Variants in TRAF6 observed in about 807,000 individuals in gnomAD.
The protein encoded by TRAF6 is TNF receptor associated factor 6, also known as TNF receptor-associated factor 6.
Under a neutral mutation model 48.4 loss-of-function variants are expected in TRAF6, and 10 were observed. That is an observed-to-expected ratio of 0.21 (90% CI 0.13 to 0.35). TRAF6 has a LOEUF of 0.35. Among genes scored for constraint, TRAF6 ranks in the 10% least tolerant of loss-of-function variants. The pLI, the probability that TRAF6 is intolerant of heterozygous loss-of-function variation, is 1.00. For missense variants in TRAF6, 397 were observed against 661.0 expected (o/e 0.60, Z 4.38); for synonymous variants, 186 against 219.6 (o/e 0.85, Z 1.35).
intron 1 of TRAF6, among the ~76,000 whole-genome samples, chr11:36,507,193 A>G (rs1859800504): frequency 1.5e-5 from 1 of 66,866 alleles, no homozygotes; most frequent in Non-Finnish European, 2.8e-5. Context: ...ATATGTATAT[A>G]TACATGTATT....
chr11:36,484,868 CA>C lies in TRAF6; in HGVS notation c.*4969del, dbSNP rs1163739202. The stretch of plus-strand genomic sequence containing the variant: ...CAAGGACCTTCAAATAAATCCATTA[CA>C]AAAAATACCCCTTCAGGCAAAATAA... On this transcript the variant is annotated 3_prime_UTR_variant, in exon 7 of 7. Coordinates refer to ENST00000526995, the MANE Select transcript of TRAF6 (RefSeq NM_004620.4). Among the ~76,000 whole-genome samples the C allele has an allele frequency of 6.6e-6, 1 of 152,126 alleles. No homozygotes were observed. Among genetic ancestry groups the C allele is most frequent in the Non-Finnish European group, 1.5e-5 (1 of 68,012 alleles).
chr11:36,488,847 C>T lies in TRAF6; in HGVS notation c.*991G>A, dbSNP rs1000599172. 7.9e-5 allele frequency: 12 copies of T among 152,126 alleles called. No individual in the cohort carries two copies. Among genetic ancestry groups the T allele is most frequent in the African/African-American group, 2.9e-4 (12 of 41,428 alleles). The allele number at this position is 152,126 out of a possible 1,614,324, so 9.4% of individuals were successfully genotyped here. A position where few individuals can be genotyped will look rare whatever the true frequency, so the allele number is the denominator to read the frequency against. ...GGAAATCAATTTTGTTCTTTTTAAT[C>T]GAAATAAACCAGAGGGTATTCAAAA... On this transcript the variant is annotated 3_prime_UTR_variant, in exon 7 of 7. Transcript: ENST00000526995.
rs763790387 is a variant in TRAF6, at chr11:36,497,260, G to C, written c.454C>G (p.Gln152Glu). 1 of 1,564,888 alleles carries C rather than the reference G, an allele frequency of 6.4e-7. No homozygotes were observed. The change falls in exon 4 of 7, where the codon CAA (glutamine) becomes GAA (glutamate). Residue 152 changes from glutamine to glutamate, a missense_variant. Transcript: ENST00000526995. ...ATAAGAGCAAACTCACAATGTGCTTGATGATCCTATAATTAAAAAAATAAT... is the reference window on the plus strand; with the variant it reads ...ATAAGAGCAAACTCACAATGTGCTTCATGATCCTATAATTAAAAAAATAAT... The part of the protein sequence containing the change: ...KMELRHLEDH[Q>E]AHCEFALMDC...
intron 2 of TRAF6, 98 bp downstream of exon 2, chr11:36,501,122 T>C: frequency 8.6e-7 from 1 of 1,168,558 alleles, no homozygotes; most frequent in Non-Finnish European, 1.2e-6. Flanking sequence ...TAGCTTTTTA[T>C]GTGTAAGACT....
chr11:36,493,843 T>G (rs1859594341), intron 5 of TRAF6, among the ~76,000 whole-genome samples: 1 of 152,196 alleles, frequency 6.6e-6, no homozygotes, highest in Non-Finnish European at 1.5e-5. Context: ...TTGGAAAAAT[T>G]AAGAGACTGT....
chr11:36,509,905 G>C (rs1859882409), intron 1 of TRAF6, 143 bp downstream of exon 1: 1 of 151,274 alleles, frequency 6.6e-6, no homozygotes, highest in African/African-American at 2.4e-5. Context: ...AAGGGACAGG[G>C]GAGGCGTCCC....
Position 36,490,441 on chromosome 11 carries a change from A to G in TRAF6, c.966T>C (p.Thr322=), listed in dbSNP as rs772654643. 2.5e-6 allele frequency: 4 copies of G among 1,613,638 alleles called. No homozygotes were observed. In the African/African-American group the frequency reaches 4.0e-5, roughly 16 times the overall value. Residue 322 remains threonine, a synonymous_variant, in exon 7 of 7, where the codon ACT becomes ACC. Coordinates refer to ENST00000526995, the MANE Select transcript of TRAF6 (RefSeq NM_004620.4). This position sits in a 1 kb window ranked among gnomAD's most constrained non-coding sequence, Gnocchi z 6.4. The part of the protein sequence containing the change: ...QIRELTAKME[T]QSMYVSELKR... ...TGAGCTCACTTACATACATACTCTGAGTTTCCATTTTAGCAGTCAGCTCCC... is the reference window on the plus strand; with the variant it reads ...TGAGCTCACTTACATACATACTCTGGGTTTCCATTTTAGCAGTCAGCTCCC...
chr11:36,490,402 T>C lies in TRAF6; in HGVS notation c.1005A>G (p.Arg335=). The C allele has an allele frequency of 6.2e-7, 1 of 1,614,150 alleles. No homozygotes were observed. The highest frequency in any genetic ancestry group is 8.5e-7 in the Non-Finnish European group (1 of 1,180,038). Reference sequence around the variant, plus strand: ...TTTCAGCAACTTTGTCCTCAAGGGTTCGAATGGTTCGTTTGAGCTCACTTA... The same window carrying C: ...TTTCAGCAACTTTGTCCTCAAGGGTCCGAATGGTTCGTTTGAGCTCACTTA... ...MYVSELKRTI[R]TLEDKVAEIE... Residue 335 remains arginine (R), a synonymous_variant, in exon 7 of 7, where the codon CGA becomes CGG. Coordinates refer to ENST00000526995, the MANE Select transcript of TRAF6 (RefSeq NM_004620.4). This position sits in a 1 kb window ranked among gnomAD's most constrained non-coding sequence, Gnocchi z 6.4.
In TRAF6 at chr11:36,502,713, C is replaced by T. The variant is rs147640770; in HGVS notation, c.-22-1176G>A. ...AATGAGGTACTATTCTGGCTGGAAA[C>T]GCAGTGCTAATAAGTGGTGATGAGC... On this transcript the variant is annotated intron_variant, in intron 1 of 6. Transcript: ENST00000526995. Among the ~76,000 whole-genome samples the T allele has an allele frequency of 1.2e-4, 18 of 152,206 alleles. No individual in the cohort carries two copies. The East Asian group carries it at 1.5e-3, about 13-fold the overall frequency.
Position 36,501,460 on chromosome 11 carries a change from C to T in TRAF6, c.56G>A (p.Cys19Tyr). Residue 19 changes from cysteine to tyrosine, a missense_variant, in exon 2 of 7, where the codon TGC becomes TAC. Physicochemically the swap from Cys to Tyr is radical, Grantham distance 194. Coordinates refer to ENST00000526995, the MANE Select transcript of TRAF6 (RefSeq NM_004620.4). Reference protein sequence around the residue: ...SCGSSQSESDCCVAMASSCSA... With the variant: ...SCGSSQSESDYCVAMASSCSA... ...ACAGGAGCTGGCCATGGCCACACAG[C>T]AGTCACTTTCAGACTGGCTGGATCC... 6.2e-7 allele frequency: 1 copy of T among 1,614,036 alleles called. No individual in the cohort carries two copies.
chr11:36,509,004 TCCTTCCTAGAGTCACAAAAGAGG>T (rs1449173426), intron 1 of TRAF6, among the ~76,000 whole-genome samples: 1 of 152,204 alleles, frequency 6.6e-6, no homozygotes, highest in Non-Finnish European at 1.5e-5. Flanking sequence ...CATGCCGGAC[TCCTTCCTAGAGTCACAAAAGAGG>T]CCACATTGTT....
At chr11:36,503,483 A>G (rs373881548) in intron 1 of TRAF6, among the ~76,000 whole-genome samples, 10 of 152,214 alleles carry the variant, frequency 6.6e-5, no homozygotes, top group African/African-American at 2.2e-4. Context: ...GGGTTTTGCC[A>G]TGTTGGCCAG....
chr11:36,507,822 T>C (rs1431196249), intron 1 of TRAF6, among the ~76,000 whole-genome samples: 1 of 145,810 alleles, frequency 6.9e-6, no homozygotes, highest in Non-Finnish European at 1.5e-5. Context: ...CATATATACA[T>C]GTATTTTATA....
chr11:36,494,552 C>G (rs573628096), intron 5 of TRAF6, among the ~76,000 whole-genome samples: 9 of 152,096 alleles, frequency 5.9e-5, no homozygotes, highest in Non-Finnish European at 1.3e-4. Context: ...AACAGAACTG[C>G]CTTCCTTTAT....
chr11:36,507,669 G>A (rs1189620530), intron 1 of TRAF6, among the ~76,000 whole-genome samples: 1 of 38,664 alleles, frequency 2.6e-5, no homozygotes, highest in African/African-American at 8.1e-5. Context: ...ACACACGCGC[G>A]TGTATATATG....
At chr11:36,509,840 C>T (rs1274295954) in intron 1 of TRAF6, among the ~76,000 whole-genome samples, 2 of 151,436 alleles carry the variant, frequency 1.3e-5, no homozygotes, top group Admixed American at 6.6e-5. Context: ...GGGCGGCGTC[C>T]CCGACCCGTG....
intron 2 of TRAF6, among the ~76,000 whole-genome samples, chr11:36,500,718 A>G (rs1443808739): frequency 1.3e-5 from 2 of 152,122 alleles, no homozygotes; most frequent in Non-Finnish European, 2.9e-5. Flanking sequence ...GATTTTGGAT[A>G]TATTATGAAG....
chr11:36,492,456 C>T, intron 6 of TRAF6, 95 bp downstream of exon 6: 3 of 1,056,188 alleles, frequency 2.8e-6, no homozygotes, highest in Non-Finnish European at 4.2e-6. Context: ...CACTGCTTTA[C>T]AACTACATCT....
intron 2 of TRAF6, 119 bp downstream of exon 2, chr11:36,501,101 T>C: frequency 4.8e-6 from 5 of 1,044,060 alleles, no homozygotes; most frequent in Middle Eastern, 3.2e-4. Flanking sequence ...CCATTGTTCT[T>C]TTTTCCTAAG....
Sources: gnomAD v4.1 joint callset for allele counts (sites outside exome capture counted in the v4.1 genomes callset) on GRCh38, gnomAD v4.1.1 for gene constraint, Gnocchi (gnomAD v3.1) non-coding constraint, MANE v1.5 for transcripts, NCBI Gene and HGNC (gene_info 2026-07-23, HGNC 2026-07-21) for gene names.